The following C10orf53 variants were observed in gnomAD, a reference collection of about 807,000 sequenced individuals.
The protein encoded by C10orf53 is chromosome 10 open reading frame 53.
Under a neutral mutation model 9.4 loss-of-function variants are expected in C10orf53, and 8 were observed. The observed-to-expected ratio is 0.85, with a 90% CI of 0.50 to 1.53. C10orf53 has a LOEUF of 1.53. Ranked by LOEUF, C10orf53 falls within the 40% of genes most tolerant of loss-of-function variation. The pLI is 0.00. For synonymous variants in C10orf53, 48 were observed against 46.0 expected (o/e 1.04, Z -0.18); for missense variants, 117 against 117.8 (o/e 0.99, Z 0.03).
intron 1 of C10orf53, among the ~76,000 whole-genome samples, chr10:49,682,010 C>T (rs1840483633): frequency 6.6e-6 from 1 of 152,106 alleles, no homozygotes; most frequent in African/African-American, 2.4e-5. Flanking sequence ...TTTTCTCTTC[C>T]TCCCCCTCTG....
rs765659271 is a variant in C10orf53 at position 49,697,330 on chromosome 10, C to T, written c.*2728C>T. On this transcript the variant is annotated 3_prime_UTR_variant, in exon 3 of 3. Transcript: ENST00000374111. ...ATCCTCCTCCTTTGCCTCCCTCTCT[C>T]GAGCACGCACCTCCCTGCCCAGAAG... Among the ~76,000 whole-genome samples, 3 of 152,194 alleles carry T rather than the reference C, an allele frequency of 2.0e-5. No homozygotes were observed. Among genetic ancestry groups the T allele is most frequent in the East Asian group, 1.9e-4 (1 of 5,202 alleles).
chr10:49,708,879 C>A, exon 3 of C10orf53: 1 of 527,280 alleles, frequency 1.9e-6, no homozygotes, highest in East Asian at 3.4e-5. Flanking sequence ...AACTTGGGGA[C>A]AGCCCCCACC....
chr10:49,705,095 TGA>T lies in C10orf53; in HGVS notation c.218-3259_218-3258del, dbSNP rs1564509573. Among the ~76,000 whole-genome samples, 3 of 152,350 alleles carry T rather than the reference TGA, an allele frequency of 2.0e-5. 1 individual carries two copies. The East Asian group carries it at 5.8e-4, about 29-fold the overall frequency. On this transcript the variant is annotated intron_variant, in intron 2 of 2. Coordinates refer to the C10orf53 transcript ENST00000374112. ...AGTCCTATGTGTCCAGTCAAAAGAA[TGA>T]GAGAGACTTTTGGAGTACTGTTATG...
intron 1 of C10orf53, among the ~76,000 whole-genome samples, chr10:49,690,509 G>T (rs931601256): frequency 3.9e-5 from 6 of 152,186 alleles, no homozygotes; most frequent in African/African-American, 1.4e-4. Flanking sequence ...GATCTTTTCT[G>T]AACTTACCAT....
chr10:49,702,441 G>A (rs1840691276), downstream of C10orf53, among the ~76,000 whole-genome samples: 1 of 152,168 alleles, frequency 6.6e-6, no homozygotes, highest in African/African-American at 2.4e-5. Context: ...ACTCAAGGTG[G>A]GAGCCTCATC....
downstream of C10orf53, among the ~76,000 whole-genome samples, chr10:49,699,476 C>T (rs1424925602): frequency 6.6e-6 from 1 of 151,886 alleles, no homozygotes; most frequent in Non-Finnish European, 1.5e-5. Context: ...ATTACAGGCA[C>T]AAGCCACCAC....
chr10:49,692,783 A>G (rs969565152), intron 1 of C10orf53, among the ~76,000 whole-genome samples: 1 of 152,252 alleles, frequency 6.6e-6, no homozygotes, highest in African/African-American at 2.4e-5. Flanking sequence ...CAATAAAAAG[A>G]TTAAATCTGA....
In C10orf53 at chr10:49,697,527, A is replaced by C. The variant is rs1840646358; in HGVS notation, c.*2925A>C. Reference sequence around the variant, plus strand: ...TAACATGTAAAGAAAGTGTATTTTAAAATAAAGTTAGAAGCATAGCTGTGT... The same window carrying C: ...TAACATGTAAAGAAAGTGTATTTTACAATAAAGTTAGAAGCATAGCTGTGT... On this transcript the variant is annotated 3_prime_UTR_variant, in exon 3 of 3. Coordinates refer to ENST00000374111, the MANE Select transcript of C10orf53 (RefSeq NM_001042427.3). Among the ~76,000 whole-genome samples the C allele has an allele frequency of 6.6e-6, 1 of 152,236 alleles. No homozygotes were observed. Among genetic ancestry groups the C allele is most frequent in the African/African-American group, 2.4e-5 (1 of 41,468 alleles).
chr10:49,708,845 G>A (rs947763663), exon 3 of C10orf53: 7 of 611,602 alleles, frequency 1.1e-5, no homozygotes, highest in African/African-American at 9.2e-5. Context: ...AGTTATGATC[G>A]ATGAACTACT....
rs149157578 is a variant in C10orf53, at chr10:49,694,860, G to A, written c.*258G>A. 91 of 1,293,940 alleles carry A rather than the reference G, an allele frequency of 7.0e-5. No homozygotes were observed. In the East Asian group the frequency reaches 2.6e-3, roughly 37 times the overall value. 80.2% of individuals were successfully genotyped at this position (1,293,940 alleles called of 1,614,324 possible). ...CATAGGGAGAGCCCTCCAATATCAGGTACACATTGAGCTGAAGGAAACAAT... is the reference window on the plus strand; with the variant it reads ...CATAGGGAGAGCCCTCCAATATCAGATACACATTGAGCTGAAGGAAACAAT... On this transcript the variant is annotated 3_prime_UTR_variant, in exon 3 of 3. Transcript: ENST00000374111.
chr10:49,692,286 T>C (rs537400100), intron 1 of C10orf53, among the ~76,000 whole-genome samples: 10 of 152,368 alleles, frequency 6.6e-5, no homozygotes, highest in Admixed American at 1.3e-4. Flanking sequence ...ATGGGTCAAT[T>C]AGGGCCGCCT....
intron 1 of C10orf53, among the ~76,000 whole-genome samples, chr10:49,687,848 T>C (rs1448409692): frequency 6.6e-6 from 1 of 152,164 alleles, no homozygotes; most frequent in Non-Finnish European, 1.5e-5. Context: ...GTGAAGGTTC[T>C]TGAGCTAAAG....
chr10:49,693,189 T>C (rs1039543729), intron 1 of C10orf53, among the ~76,000 whole-genome samples: 1 of 152,236 alleles, frequency 6.6e-6, no homozygotes, highest in Non-Finnish European at 1.5e-5. Context: ...CACCGTTTAT[T>C]TGGCCGTCCT....
At chr10:49,702,182 G>C (rs1043852022), downstream of C10orf53, among the ~76,000 whole-genome samples, 1 of 139,996 alleles carries the variant, frequency 7.1e-6, no homozygotes, top group East Asian at 2.2e-4. Flanking sequence ...GGGCAACAGC[G>C]TGAGACTCTG....
rs558833955 is a variant in C10orf53, at chr10:49,686,598, CA to C, written c.97+6805del. Among the ~76,000 whole-genome samples the C allele has an allele frequency of 1.5e-3, 226 of 152,088 alleles. 2 individuals carry two copies. The highest frequency in any genetic ancestry group is 4.8e-3 in the African/African-American group (201 of 41,460). ...GAGAACCTGGGAAAGGAATGCATTC[CA>C]GGGGGTAGGTCTATAGATGGCTGCT... On this transcript the variant is annotated intron_variant, in intron 1 of 2. Transcript: ENST00000374111.
In C10orf53 at chr10:49,693,844, G is replaced by C. The variant is rs1473165277; in HGVS notation, c.168G>C (p.Met56Ile). 6.2e-7 allele frequency: 1 copy of C among 1,614,066 alleles called. No individual in the cohort carries two copies. The highest frequency in any genetic ancestry group is 1.3e-5 in the African/African-American group (1 of 74,944). ...AAGACTGGAATGTGGTGGAACTCATGGTGAATGAAGAAGTCATCTTCCACT... is the reference window on the plus strand; with the variant it reads ...AAGACTGGAATGTGGTGGAACTCATCGTGAATGAAGAAGTCATCTTCCACT... ...KIEDWNVVEL[M>I]VNEEVIFHCN... Residue 56 changes from methionine to isoleucine, a missense_variant, in exon 2 of 3, where the codon ATG (methionine) becomes ATC (isoleucine). Coordinates refer to ENST00000374111, the MANE Select transcript of C10orf53 (RefSeq NM_001042427.3).
intron 1 of C10orf53, among the ~76,000 whole-genome samples, chr10:49,691,674 C>A (rs1465720435): frequency 6.6e-6 from 1 of 152,192 alleles, no homozygotes; most frequent in East Asian, 1.9e-4. Flanking sequence ...TGTTTCTGAG[C>A]TACACCATGC....
chr10:49,691,021 G>T (rs1239016022), intron 1 of C10orf53, among the ~76,000 whole-genome samples: 2 of 152,248 alleles, frequency 1.3e-5, no homozygotes, highest in African/African-American at 4.8e-5. Context: ...GAGGCAGGCG[G>T]ACTGCAGGTG....
chr10:49,697,741 G>A (rs113464726), downstream of C10orf53, among the ~76,000 whole-genome samples: 2,763 of 152,020 alleles, frequency 0.018, 71 homozygotes, highest in African/African-American at 0.06. Flanking sequence ...TAGTAAAGAC[G>A]GGCTTTCTCC....
Sources: gnomAD v4.1 joint callset for allele counts (sites outside exome capture counted in the v4.1 genomes callset) on GRCh38, gnomAD v4.1.1 for gene constraint, MANE v1.5 for transcripts, NCBI Gene and HGNC (gene_info 2026-07-23, HGNC 2026-07-21) for gene names.